NEK5: variants seen among roughly 807,000 people sequenced by gnomAD.
NEK5 encodes the protein serine/threonine-protein kinase Nek5.
In NEK5, 88 loss-of-function variants were observed where a neutral mutation model predicts 109.2. The ratio of observed to expected loss-of-function variants is 0.81; its 90% CI spans 0.68 to 0.96. The LOEUF (loss-of-function observed/expected upper bound fraction) is 0.96. Ranked by LOEUF, NEK5 falls within the 40% of genes least tolerant of loss-of-function variation. NEK5 has a pLI of 0.00. For missense variants in NEK5, 834 were observed against 920.7 expected (o/e 0.91, Z 1.22); for synonymous variants, 283 against 299.9 (o/e 0.94, Z 0.58).
At chr13:52,087,299 G>T in intron 15 of NEK5, 39 bp downstream of exon 15, 1 of 1,032,324 alleles carries the variant, frequency 9.7e-7, no homozygotes, top group Admixed American at 1.7e-5. Flanking sequence ...GTAATACAAA[G>T]AAATACAAGG....
rs1402495746 is a variant in NEK5, at chr13:52,115,175, G to T, written c.215-2810C>A. 2.0e-5 allele frequency among the ~76,000 whole-genome samples: 3 copies of T among 151,242 alleles called. No individual in the cohort carries two copies. The South Asian group carries it at 6.4e-4, about 32-fold the overall frequency. On this transcript the variant is annotated intron_variant, in intron 4 of 23. Transcript: ENST00000684899. ...ACTACAGGCGCCCGCCACCATGCCC[G>T]GCTAATTTTTTGTATTTTTAGTAGA... is the stretch of plus-strand genomic sequence containing the variant.
chr13:52,041,898 T>G (rs1304263029), intron 23 of NEK5, among the ~76,000 whole-genome samples: 1 of 151,852 alleles, frequency 6.6e-6, no homozygotes, highest in East Asian at 1.9e-4. Context: ...AATATTAAAA[T>G]TTTCCAGAAC....
At chr13:52,110,142 A>G (rs1367669041) in intron 7 of NEK5, among the ~76,000 whole-genome samples, 198 bp downstream of exon 7, 2 of 152,240 alleles carry the variant, frequency 1.3e-5, no homozygotes, top group East Asian at 1.9e-4. Flanking sequence ...ACAGAATATT[A>G]GCAACATCAT....
chr13:52,087,342 T>A lies in NEK5; in HGVS notation c.1388A>T (p.Glu463Val). The change falls in exon 15 of 24, where the codon GAA becomes GTA. Residue 463 changes from glutamate to valine, a missense_variant. Physicochemically the swap from Glu to Val is moderately radical, Grantham distance 121. Coordinates refer to ENST00000684899, the MANE Select transcript of NEK5 (RefSeq NM_001365552.1). ...TGGAATTAAACAGTTTTTAACCTGT[T>A]CCTTCATTTCGTTTTTCCTAAATGG... is the stretch of plus-strand genomic sequence containing the variant. ...ELPFRKNEMK[E>V]QEYWKQLEEI... 1 of 1,493,822 alleles carries A rather than the reference T, an allele frequency of 6.7e-7. No individual in the cohort carries two copies. The highest frequency in any genetic ancestry group is 9.3e-7 in the Non-Finnish European group (1 of 1,070,770). The allele number at this position is 1,493,822 out of a possible 1,614,324, so 92.5% of individuals were successfully genotyped here.
Position 52,037,587 on chromosome 13 carries a change from CATT to C in NEK5, c.2229-372_2229-370del, listed in dbSNP as rs975076608. Among the ~76,000 whole-genome samples, 7 of 152,258 alleles carry C rather than the reference CATT, an allele frequency of 4.6e-5. 2 individuals carry two copies. In the Middle Eastern group the frequency reaches 0.02, roughly 444 times the overall value. The stretch of plus-strand genomic sequence containing the variant: ...AATACTAACAACATTTTGAGGTAGA[CATT>C]ATCATCAAATTATAAATAAAGAAGC... On this transcript the variant is annotated intron_variant, in intron 23 of 23. Transcript: ENST00000684899.
chr13:52,051,543 T>C (rs1954506270), intron 22 of NEK5, among the ~76,000 whole-genome samples: 1 of 152,196 alleles, frequency 6.6e-6, no homozygotes, highest in Non-Finnish European at 1.5e-5. Flanking sequence ...AATCTGACTT[T>C]GGGGTACCAG....
chr13:52,096,771 C>T (rs981181854), intron 12 of NEK5, among the ~76,000 whole-genome samples: 1 of 152,130 alleles, frequency 6.6e-6, no homozygotes, highest in African/African-American at 2.4e-5. Context: ...CAATTCAAAC[C>T]AGCTGCAGAA....
Position 52,033,729 on chromosome 13 carries a change from A to T in NEK5, c.*3219T>A, listed in dbSNP as rs1010389921. 1.3e-5 allele frequency: 2 copies of T among 153,284 alleles called. No homozygotes were observed. The highest frequency in any genetic ancestry group is 2.9e-5 in the Non-Finnish European group (2 of 68,046). 9.5% of individuals were successfully genotyped at this position (153,284 alleles called of 1,614,324 possible). On this transcript the variant is annotated 3_prime_UTR_variant, in exon 24 of 24. Transcript: ENST00000684899. ...ATAAGGTCATCTTATAGACAAAATT[A>T]AGAGACACCAGTGTGGTTATCAATG...
intron 8 of NEK5, 102 bp from the exon 9 acceptor site, chr13:52,104,654 T>C (rs1593984692): frequency 1.3e-6 from 1 of 784,448 alleles, no homozygotes; most frequent in Middle Eastern, 3.4e-4. Flanking sequence ...TACAATTTTA[T>C]GTAAGTTGAT....
At position 52,061,885 on chromosome 13, in the gene NEK5, T is replaced by C; in HGVS notation, c.2044A>G (p.Thr682Ala). ...RKQWRHEAPG[T>A]LMSVLAAAHL... ...GCTGCTGCCAAAACACTCATTAAAG[T>C]TCCTGGAGCTTCATGCCGCCACTGT... is the stretch of plus-strand genomic sequence containing the variant. Residue 682 changes from threonine (T) to alanine (A), a missense_variant, in exon 22 of 24, where the codon ACT (threonine) becomes GCT (alanine). Physicochemically the swap from Thr to Ala is moderately conservative, Grantham distance 58 (BLOSUM62 0). Coordinates refer to ENST00000684899, the MANE Select transcript of NEK5 (RefSeq NM_001365552.1). 2 of 985,240 alleles carry C rather than the reference T, an allele frequency of 2.0e-6. No homozygotes were observed. Among genetic ancestry groups the C allele is most frequent in the African/African-American group, 3.5e-5 (2 of 57,352 alleles). 61.0% of individuals were successfully genotyped at this position (985,240 alleles called of 1,614,324 possible).
intron 1 of NEK5, among the ~76,000 whole-genome samples, chr13:52,128,638 C>T (rs1216336789): frequency 1.3e-5 from 2 of 152,096 alleles, no homozygotes; most frequent in African/African-American, 2.4e-5. Flanking sequence ...CTGCAGACAC[C>T]GGAGGATCGG....
chr13:52,050,488 A>T (rs1954494047), intron 22 of NEK5, among the ~76,000 whole-genome samples: 1 of 152,114 alleles, frequency 6.6e-6, no homozygotes, highest in Non-Finnish European at 1.5e-5. Flanking sequence ...TGTGTAAAAA[A>T]AAGATTTACC....
chr13:52,059,770 C>T (rs1954594685), intron 22 of NEK5, among the ~76,000 whole-genome samples: 1 of 143,950 alleles, frequency 6.9e-6, no homozygotes, highest in South Asian at 2.2e-4. Flanking sequence ...CACATGGACA[C>T]AGGAAGGGGA....
chr13:52,125,485 C>T (rs538085269), intron 3 of NEK5, among the ~76,000 whole-genome samples: 1 of 152,264 alleles, frequency 6.6e-6, no homozygotes, highest in Non-Finnish European at 1.5e-5. Context: ...ATGGCATGAA[C>T]CTGGGAGGCA....
At chr13:52,096,316 C>T (rs567868182) in intron 12 of NEK5, among the ~76,000 whole-genome samples, 2 of 151,958 alleles carry the variant, frequency 1.3e-5, no homozygotes, top group Non-Finnish European at 2.9e-5. Flanking sequence ...GTTGGAAGAG[C>T]GTGGAGGGCT....
chr13:52,037,840 A>G (rs374236790), intron 23 of NEK5, among the ~76,000 whole-genome samples: 14 of 151,604 alleles, frequency 9.2e-5, no homozygotes, highest in Admixed American at 2.0e-4. Flanking sequence ...GGAGAATGGC[A>G]TGAACCTGGG....
At chr13:52,068,116 A>G (rs1259815062) in intron 20 of NEK5, among the ~76,000 whole-genome samples, 1 of 152,066 alleles carries the variant, frequency 6.6e-6, no homozygotes, top group Non-Finnish European at 1.5e-5. Flanking sequence ...CCCCAGCCCT[A>G]TCAGGTTCCT....
At chr13:52,041,876 A>C (rs1277596504) in intron 23 of NEK5, among the ~76,000 whole-genome samples, 1 of 152,078 alleles carries the variant, frequency 6.6e-6, no homozygotes, top group Admixed American at 6.5e-5. Flanking sequence ...AATGGATGCA[A>C]TAAGAAAAGC....
intron 23 of NEK5, among the ~76,000 whole-genome samples, chr13:52,040,296 G>A (rs548231817): frequency 1.1e-4 from 16 of 152,134 alleles, no homozygotes; most frequent in African/African-American, 3.9e-4. Flanking sequence ...TGTTGGCCAG[G>A]CTGGTTTTGA....
Sources: allele counts gnomAD v4.1 joint callset (sites outside exome capture counted in the v4.1 genomes callset), GRCh38; gene constraint gnomAD v4.1.1; transcripts MANE v1.5; gene names NCBI Gene and HGNC (gene_info 2026-07-23, HGNC 2026-07-21).